SEMA3D: variants seen among roughly 807,000 people sequenced by gnomAD.
The protein encoded by SEMA3D is semaphorin-3D.
Under a neutral mutation model 100.1 loss-of-function variants are expected in SEMA3D, and 84 were observed. The observed-to-expected ratio is 0.84, with a 90% CI of 0.70 to 1.01. SEMA3D has a LOEUF of 1.01. SEMA3D is among the 50% of genes least tolerant of loss of function. SEMA3D has a pLI of 0.00. For synonymous variants in SEMA3D, 312 were observed against 320.7 expected (o/e 0.97, Z 0.29); for missense variants, 875 against 934.1 (o/e 0.94, Z 0.82).
intron 4 of SEMA3D, among the ~76,000 whole-genome samples, chr7:85,088,724 A>AT (rs1788294838): frequency 6.6e-6 from 1 of 152,088 alleles, no homozygotes; most frequent in South Asian, 2.1e-4. Context: ...TTAATTCTCC[A>AT]TTTTTGTTTT....
chr7:85,114,303 T>C (rs541900795), intron 3 of SEMA3D, among the ~76,000 whole-genome samples: 72 of 152,326 alleles, frequency 4.7e-4, no homozygotes, highest in African/African-American at 1.7e-3. Flanking sequence ...TGCTTGATTT[T>C]ATAAAGAAGA....
intron 1 of SEMA3D, among the ~76,000 whole-genome samples, chr7:85,175,031 A>G (rs1791188505): frequency 6.6e-6 from 1 of 152,194 alleles, no homozygotes; most frequent in South Asian, 2.1e-4. Flanking sequence ...ATCTTCATGT[A>G]CGATTATTGA....
chr7:85,209,384 C>G, the SEMA3D span, among the ~76,000 whole-genome samples: 1 of 151,772 alleles, frequency 6.6e-6, no homozygotes, highest in African/African-American at 2.4e-5. Flanking sequence ...TTATAGTTTA[C>G]ATACACAATC....
the SEMA3D span, among the ~76,000 whole-genome samples, chr7:85,229,791 T>C: frequency 7.3e-3 from 1,105 of 152,254 alleles, 11 homozygotes; most frequent in Middle Eastern, 0.024. Context: ...CTTGCTTCTG[T>C]TTTTCCTGTT....
chr7:85,019,266 C>T lies in SEMA3D; in HGVS notation c.1503+967G>A, dbSNP rs190030820. 7.2e-5 allele frequency among the ~76,000 whole-genome samples: 11 copies of T among 151,846 alleles called. No individual in the cohort carries two copies. In the East Asian group the frequency reaches 2.0e-3, roughly 27 times the overall value. On this transcript the variant is annotated intron_variant, in intron 14 of 18. Transcript: ENST00000284136. ...CTAACACCATTGAACGAGACTTGTTCTAATGTGCTTATGTGTGTTATAGGC... is the reference window on the plus strand; with the variant it reads ...CTAACACCATTGAACGAGACTTGTTTTAATGTGCTTATGTGTGTTATAGGC...
the SEMA3D span, among the ~76,000 whole-genome samples, chr7:85,235,123 A>G: frequency 6.6e-6 from 1 of 152,192 alleles, no homozygotes; most frequent in Non-Finnish European, 1.5e-5. Flanking sequence ...AAGGAAGAGA[A>G]TAATAGTGTT....
intron 5 of SEMA3D, among the ~76,000 whole-genome samples, chr7:85,077,053 C>A (rs1791945610): frequency 6.6e-6 from 1 of 150,598 alleles, no homozygotes; most frequent in Non-Finnish European, 1.5e-5. Flanking sequence ...TTGCAGTGAG[C>A]CGAGATTGCG....
chr7:85,138,631 A>G (rs1789935923), intron 2 of SEMA3D, among the ~76,000 whole-genome samples: 1 of 139,508 alleles, frequency 7.2e-6, no homozygotes, highest in African/African-American at 2.7e-5. Flanking sequence ...ATAATATATA[A>G]ATTAAATTAT....
the SEMA3D span, among the ~76,000 whole-genome samples, chr7:85,215,733 T>C: frequency 1.2e-4 from 18 of 152,178 alleles, no homozygotes; most frequent in African/African-American, 3.9e-4. Context: ...TTACTACATG[T>C]AAATATATAT....
chr7:85,053,729 T>G (rs1362691568), intron 9 of SEMA3D, among the ~76,000 whole-genome samples: 1 of 152,040 alleles, frequency 6.6e-6, no homozygotes, highest in Non-Finnish European at 1.5e-5. Context: ...ATGGATCATA[T>G]GTATAGTGAG....
At position 84,999,789 on chromosome 7, in the gene SEMA3D, A is replaced by G. The variant is rs1439932707; in HGVS notation, c.1985T>C (p.Met662Thr). ...IRSLQKKDSG[M>T]YYCKAQEHTF... ...GTGCTCCTGGGCTTTGCAGTAATAC[A>G]TCCCAGAATCCTTCTTCTGCAAACT... The change falls in exon 19 of 19, where the codon ATG (methionine) becomes ACG (threonine). Residue 662 changes from methionine (M) to threonine (T), a missense_variant. Physicochemically the swap from Met to Thr is moderately conservative, Grantham distance 81. Transcript: ENST00000284136. The G allele has an allele frequency of 1.9e-6, 3 of 1,614,056 alleles. No individual in the cohort carries two copies. Among genetic ancestry groups the G allele is most frequent in the Admixed American group, 1.7e-5 (1 of 59,946 alleles).
chr7:85,196,036 T>C, the SEMA3D span, among the ~76,000 whole-genome samples: 1 of 152,152 alleles, frequency 6.6e-6, no homozygotes, highest in South Asian at 2.1e-4. Flanking sequence ...CCAAAATGTA[T>C]GGCATATATA....
the SEMA3D span, among the ~76,000 whole-genome samples, chr7:85,224,117 T>A: frequency 1.3e-5 from 2 of 152,174 alleles, no homozygotes; most frequent in African/African-American, 4.8e-5. Context: ...TAACACTTTA[T>A]AAAGAAAGCT....
intron 5 of SEMA3D, among the ~76,000 whole-genome samples, chr7:85,076,588 A>G (rs1208956127): frequency 1.3e-5 from 2 of 152,222 alleles, no homozygotes; most frequent in Admixed American, 6.5e-5. Context: ...ACTGACTTAC[A>G]GTAGCTAATT....
the SEMA3D span, among the ~76,000 whole-genome samples, chr7:85,192,833 C>T: frequency 2.0e-5 from 3 of 152,006 alleles, no homozygotes; most frequent in Non-Finnish European, 4.4e-5. Context: ...ATTACTTTTC[C>T]TTATATCAAG....
At chr7:85,159,835 C>A (rs1046069078) in intron 1 of SEMA3D, 2 of 984,834 alleles carry the variant, frequency 2.0e-6, no homozygotes, top group African/African-American at 1.7e-5. Context: ...TTCACACTGT[C>A]CTGCAGATAG....
chr7:85,086,716 C>T (rs1238484074), intron 4 of SEMA3D, among the ~76,000 whole-genome samples: 2 of 151,266 alleles, frequency 1.3e-5, no homozygotes, highest in African/African-American at 2.4e-5. Flanking sequence ...CAGAGACACA[C>T]GCAGTTATAT....
Position 85,160,997 on chromosome 7 carries a change from A to G in SEMA3D, c.-172-7258T>C, listed in dbSNP as rs375504832. Among the ~76,000 whole-genome samples the G allele has an allele frequency of 2.6e-4, 40 of 152,290 alleles. No homozygotes were observed. The East Asian group carries it at 6.0e-3, about 23-fold the overall frequency. ...AAGCAATGACTACTTGCACGTATGG[A>G]GGAGGGGAATGGATAACATCAGTCG... On this transcript the variant is annotated intron_variant, in intron 1 of 18. Coordinates refer to ENST00000284136, the MANE Select transcript of SEMA3D (RefSeq NM_001384900.1).
At chr7:85,143,718 G>A (rs1021183333) in intron 2 of SEMA3D, among the ~76,000 whole-genome samples, 1 of 139,428 alleles carries the variant, frequency 7.2e-6, no homozygotes, top group Non-Finnish European at 1.5e-5. Flanking sequence ...TATAATATGA[G>A]ACATGTAATT....
Sources: gnomAD v4.1 joint callset for allele counts (sites outside exome capture counted in the v4.1 genomes callset) on GRCh38, gnomAD v4.1.1 for gene constraint, MANE v1.5 for transcripts, NCBI Gene and HGNC (gene_info 2026-07-23, HGNC 2026-07-21) for gene names.